The following SLC16A7 variants were observed in gnomAD, a reference collection of about 807,000 sequenced individuals.
SLC16A7 encodes solute carrier family 16 member 7.
A neutral mutation model predicts 34.9 loss-of-function variants in SLC16A7; 33 were observed. The observed-to-expected ratio is 0.94, with a 90% confidence interval of 0.72 to 1.26. The LOEUF is 1.26. SLC16A7 is among the 50% of genes most tolerant of loss of function. SLC16A7 has a pLI of 0.00. For missense variants in SLC16A7, 573 were observed against 578.1 expected, an observed-to-expected ratio of 0.99 and a Z score of 0.09; for synonymous variants, 201 against 206.6, an observed-to-expected ratio of 0.97 and a Z score of 0.23.
In SLC16A7 at chr12:59,623,363, A is replaced by G. The variant is rs147872391; in HGVS notation, c.-130+27127A>G. On this transcript the variant is annotated intron_variant, in intron 1 of 5. Transcript: ENST00000547379. ...GAGTTTTCTCTGCATTTAAATCAAT[A>G]CATCAATTTCAAATTTGGGGAGAAT... Among the ~76,000 whole-genome samples, 515 of 151,926 alleles carry G rather than the reference A, an allele frequency of 3.4e-3. 3 individuals carry two copies. Among genetic ancestry groups the G allele is most frequent in the African/African-American group, 0.011 (473 of 41,522 alleles).
chr12:59,682,911 A>G (rs1436978528), intron 2 of SLC16A7, among the ~76,000 whole-genome samples: 1 of 152,142 alleles, frequency 6.6e-6, no homozygotes, highest in Non-Finnish European at 1.5e-5. Context: ...TACTAAAAAT[A>G]CAAAATTAGC....
At chr12:59,744,193 T>C (rs969134090) in intron 3 of SLC16A7, among the ~76,000 whole-genome samples, 4 of 152,072 alleles carry the variant, frequency 2.6e-5, no homozygotes, top group Non-Finnish European at 5.9e-5. Context: ...AATGAGAACA[T>C]ACATTTCTTT....
In SLC16A7 at chr12:59,783,626, CT is replaced by C. The variant is rs1592288942; in HGVS notation, c.*3948del. 1.4e-5 allele frequency: 2 copies of C among 147,606 alleles called. No homozygotes were observed. The highest frequency in any genetic ancestry group is 5.2e-5 in the African/African-American group (2 of 38,656). The allele number at this position is 147,606 out of a possible 1,614,324, so 9.1% of individuals were successfully genotyped here. A position where few individuals can be genotyped will look rare whatever the true frequency, so the allele number is the denominator to read the frequency against. On this transcript the variant is annotated 3_prime_UTR_variant, in exon 6 of 6. Transcript: ENST00000547379. Reference sequence around the variant, plus strand: ...ATTAGAGAACTGCATTTGCTAGAACCTGAATATGTAATTTCTTTCTTTCTTT... The same window carrying C: ...ATTAGAGAACTGCATTTGCTAGAACCGAATATGTAATTTCTTTCTTTCTTT...
rs1027175452 is a variant in SLC16A7 at position 59,788,944 on chromosome 12, T to C, written c.*9265T>C. On this transcript the variant is annotated 3_prime_UTR_variant, in exon 6 of 6. Transcript: ENST00000547379. ...TGTTTAAGTTCTTGCCTTTCAGGTA[T>C]ACTACAGCGTTATATGAACATAATG... 7.2e-5 allele frequency: 11 copies of C among 152,106 alleles called. No homozygotes were observed. The highest frequency in any genetic ancestry group is 1.5e-4 in the Non-Finnish European group (10 of 67,942). 9.4% of individuals were successfully genotyped at this position (152,106 alleles called of 1,614,324 possible). A position where few individuals can be genotyped will look rare whatever the true frequency, so the allele number is the denominator to read the frequency against.
At chr12:59,721,984 C>T (rs1456416936) in intron 3 of SLC16A7, among the ~76,000 whole-genome samples, 1 of 151,852 alleles carries the variant, frequency 6.6e-6, no homozygotes, top group Non-Finnish European at 1.5e-5. Context: ...TATATACTTG[C>T]TCCATAAATG....
chr12:59,684,978 A>G lies in SLC16A7; in HGVS notation c.-30-19794A>G, dbSNP rs949888435. Among the ~76,000 whole-genome samples, 3 of 152,142 alleles carry G rather than the reference A, an allele frequency of 2.0e-5. No homozygotes were observed. In the East Asian group the frequency reaches 5.8e-4, roughly 29 times the overall value. On this transcript the variant is annotated intron_variant, in intron 2 of 5. Transcript: ENST00000547379. Reference sequence around the variant, plus strand: ...TTGGTGTGGTACAGGTATGCCATCAATCCCCAGAGGACTGTGTGTGCTTGT... The same window carrying G: ...TTGGTGTGGTACAGGTATGCCATCAGTCCCCAGAGGACTGTGTGTGCTTGT...
intron 1 of SLC16A7, among the ~76,000 whole-genome samples, chr12:59,641,710 T>C (rs1407347313): frequency 1.3e-5 from 2 of 152,068 alleles, no homozygotes; most frequent in African/African-American, 4.8e-5. Context: ...TGGATGTCAC[T>C]GTTTCTTACA....
intron 1 of SLC16A7, among the ~76,000 whole-genome samples, chr12:59,623,554 C>T (rs555392011): frequency 6.6e-6 from 1 of 151,496 alleles, no homozygotes; most frequent in South Asian, 2.1e-4. Context: ...TATATGTTGT[C>T]TTTTAAAAAT....
rs1247251765 is a variant in SLC16A7 at position 59,704,660 on chromosome 12, A to C, written c.-30-112A>C. The C allele has an allele frequency of 4.9e-6, 3 of 614,242 alleles. No individual in the cohort carries two copies. In the Admixed American group the frequency reaches 8.8e-5, roughly 18 times the overall value. 38.0% of individuals were successfully genotyped at this position (614,242 alleles called of 1,614,324 possible). ...GAGTATAAGAGTGTGAAAAATATTC[A>C]TGAAAAATCATATTGTAGTTTTAAC... On this transcript the variant is annotated intron_variant, in intron 2 of 5. Transcript: ENST00000547379.
intron 2 of SLC16A7, among the ~76,000 whole-genome samples, chr12:59,704,202 AAAAAAAAAAAAAAAAAGAAAAAG>A (rs1873247797): frequency 7.0e-6 from 1 of 142,634 alleles, no homozygotes; most frequent in Non-Finnish European, 1.5e-5. Flanking sequence ...TCTGTCTCAA[AAAAAAAAAAAAAAAAAGAAAAAG>A]AAAAAAAAAA....
rs528201779 is a variant in SLC16A7 at position 59,756,786 on chromosome 12, G to T, written c.218-14433G>T. ...TACCCAAAGGACTATAAATCATGCT[G>T]CTATAAAGACACATGCACACGTATA... On this transcript the variant is annotated intron_variant, in intron 3 of 5. Transcript: ENST00000547379. Among the ~76,000 whole-genome samples the T allele has an allele frequency of 4.1e-4, 55 of 134,392 alleles. 1 individual carries two copies. The highest frequency in any genetic ancestry group is 7.8e-4 in the Non-Finnish European group (50 of 64,044). The allele number at this position is 134,392 out of a possible 152,430, so 88.2% of individuals were successfully genotyped here.
intron 2 of SLC16A7, among the ~76,000 whole-genome samples, chr12:59,677,620 T>G (rs1870412659): frequency 6.6e-6 from 1 of 152,194 alleles, no homozygotes; most frequent in Non-Finnish European, 1.5e-5. Context: ...AGGCTACTGT[T>G]TTGTCATGGC....
At chr12:59,659,207 C>T (rs928502658) in intron 2 of SLC16A7, among the ~76,000 whole-genome samples, 3 of 151,964 alleles carry the variant, frequency 2.0e-5, no homozygotes, top group African/African-American at 7.2e-5. Flanking sequence ...TGCATGTGCA[C>T]GCACACACAC....
At chr12:59,760,470 A>G (rs1269513548) in intron 3 of SLC16A7, among the ~76,000 whole-genome samples, 3 of 152,120 alleles carry the variant, frequency 2.0e-5, no homozygotes, top group Non-Finnish European at 4.4e-5. Flanking sequence ...ATGACCTGAA[A>G]TCACAGATAA....
At chr12:59,733,976 G>T (rs375083172) in intron 3 of SLC16A7, 4 of 373,496 alleles carry the variant, frequency 1.1e-5, no homozygotes, top group African/African-American at 8.4e-5. Context: ...GGGAGGAAGT[G>T]CATGCTGATT....
intron 1 of SLC16A7, among the ~76,000 whole-genome samples, chr12:59,610,739 C>T (rs976369941): frequency 1.3e-5 from 2 of 152,148 alleles, no homozygotes; most frequent in Non-Finnish European, 2.9e-5. Flanking sequence ...TAATGATGTT[C>T]CAGCATACAT....
rs1268054877 is a variant in SLC16A7, at chr12:59,789,632, CTT to C, written c.*9954_*9955del. 1.3e-5 allele frequency: 2 copies of C among 152,040 alleles called. No individual in the cohort carries two copies. Among genetic ancestry groups the C allele is most frequent in the Non-Finnish European group, 2.9e-5 (2 of 67,986 alleles). 9.4% of individuals were successfully genotyped at this position (152,040 alleles called of 1,614,324 possible). A position where few individuals can be genotyped will look rare whatever the true frequency, so the allele number is the denominator to read the frequency against. On this transcript the variant is annotated 3_prime_UTR_variant, in exon 6 of 6. Transcript: ENST00000547379. ...AGGTTGCAATAAAATCAGAATCTCT[CTT>C]GTCTGAATTATGCAGTTTAACCCTG... is the stretch of plus-strand genomic sequence containing the variant.
In SLC16A7 at chr12:59,596,323, G is replaced by C. The variant is rs1415363831; in HGVS notation, c.-130+87G>C. On this transcript the variant is annotated intron_variant, in intron 1 of 5. Coordinates refer to ENST00000547379, the MANE Select transcript of SLC16A7 (RefSeq NM_001270623.2). This position sits in a 1 kb window ranked among gnomAD's most constrained non-coding sequence, Gnocchi z 5.0. ...GAGGGCGAGCCTGCGTCTGCGACCC[G>C]AGCTGCCCGCGGAGCCGCACGCGTG... 6.5e-6 allele frequency: 1 copy of C among 153,116 alleles called. No homozygotes were observed. Among genetic ancestry groups the C allele is most frequent in the African/African-American group, 2.4e-5 (1 of 41,446 alleles). The allele number at this position is 153,116 out of a possible 1,614,324, so 9.5% of individuals were successfully genotyped here.
intron 2 of SLC16A7, among the ~76,000 whole-genome samples, chr12:59,671,688 A>G (rs1446953483): frequency 6.8e-6 from 1 of 147,310 alleles, no homozygotes; most frequent in African/African-American, 2.5e-5. Context: ...CTATATATAT[A>G]TATGTGTGTG....
Sources: gnomAD v4.1 joint callset for allele counts (sites outside exome capture counted in the v4.1 genomes callset) on GRCh38, gnomAD v4.1.1 for gene constraint, Gnocchi (gnomAD v3.1) non-coding constraint, MANE v1.5 for transcripts, NCBI Gene and HGNC (gene_info 2026-07-23, HGNC 2026-07-21) for gene names.